RASAL2: variants seen among roughly 807,000 people sequenced by gnomAD.
RASAL2 encodes RAS protein activator like 2.
RASAL2 carries 58 observed loss-of-function variants against 128.9 expected under a neutral mutation model. The observed-to-expected ratio is 0.45, with a 90% CI of 0.36 to 0.56. RASAL2 has a LOEUF of 0.56. Among genes scored for constraint, RASAL2 ranks in the 20% least tolerant of loss-of-function variants. The pLI is 0.00. For missense variants in RASAL2, 1,360 were observed against 1,601.6 expected, an observed-to-expected ratio of 0.85 and a Z score of 2.57; for synonymous variants, 561 against 580.8, an observed-to-expected ratio of 0.97 and a Z score of 0.49.
intron 4 of RASAL2, among the ~76,000 whole-genome samples, chr1:178,414,354 A>G (rs899236253): frequency 9.2e-5 from 14 of 152,156 alleles, no homozygotes; most frequent in Admixed American, 7.9e-4. Flanking sequence ...TGAGTAGTAA[A>G]TATACTCTGC....
intron 4 of RASAL2, chr1:178,411,955 C>T: frequency 6.5e-6 from 3 of 460,122 alleles, no homozygotes; most frequent in Non-Finnish European, 7.5e-6. Flanking sequence ...GAGGACATCA[C>T]CCCCCATCCC....
chr1:178,187,217 T>G (rs1050282812), intron 1 of RASAL2, among the ~76,000 whole-genome samples: 1 of 152,196 alleles, frequency 6.6e-6, no homozygotes, highest in African/African-American at 2.4e-5. Context: ...GGCCACTGTT[T>G]TCAGCCCTTT....
chr1:178,164,818 A>G (rs1460714572), intron 1 of RASAL2, among the ~76,000 whole-genome samples: 8 of 125,330 alleles, frequency 6.4e-5, no homozygotes, highest in Non-Finnish European at 1.3e-4. Flanking sequence ...TTGTTCATCA[A>G]ACGTTTGTGT....
chr1:178,308,657 C>T (rs1318644719), intron 3 of RASAL2, among the ~76,000 whole-genome samples: 2 of 151,290 alleles, frequency 1.3e-5, no homozygotes, highest in African/African-American at 4.9e-5. Context: ...CTGATTCTCC[C>T]ACCTCCACCT....
chr1:178,386,511 C>T (rs1672579054), intron 3 of RASAL2, among the ~76,000 whole-genome samples: 1 of 152,160 alleles, frequency 6.6e-6, no homozygotes, highest in Non-Finnish European at 1.5e-5. Flanking sequence ...GGTTATCTCT[C>T]ATCATTTTAA....
chr1:178,364,590 C>T (rs76583993), intron 3 of RASAL2, among the ~76,000 whole-genome samples: 3,567 of 152,172 alleles, frequency 0.023, 61 homozygotes, highest in Middle Eastern at 0.058. Flanking sequence ...TATTGCTAGG[C>T]CTAGTGACAA....
At chr1:178,404,678 C>A (rs986942486) in intron 4 of RASAL2, among the ~76,000 whole-genome samples, 7 of 137,118 alleles carry the variant, frequency 5.1e-5, no homozygotes, top group South Asian at 2.5e-4. Context: ...CGCACCTGGC[C>A]CCCCAATTTT....
chr1:178,449,616 G>A (rs1342966465), intron 9 of RASAL2, among the ~76,000 whole-genome samples: 1 of 151,880 alleles, frequency 6.6e-6, no homozygotes, highest in South Asian at 2.1e-4. Flanking sequence ...ATCTGTGTTG[G>A]TAATTAAGCA....
intron 3 of RASAL2, among the ~76,000 whole-genome samples, chr1:178,337,793 G>C (rs57415540): frequency 6.7e-6 from 1 of 149,998 alleles, no homozygotes. Flanking sequence ...GTGCAGTGGC[G>C]CAATCTCAGC....
intron 1 of RASAL2, among the ~76,000 whole-genome samples, chr1:178,262,607 A>C (rs1339760575): frequency 6.6e-6 from 1 of 152,186 alleles, no homozygotes; most frequent in Admixed American, 6.5e-5. Context: ...AAGTATATAC[A>C]CATTTTTGTA....
intron 1 of RASAL2, among the ~76,000 whole-genome samples, chr1:178,208,764 T>G (rs1294262830): frequency 6.6e-6 from 1 of 152,126 alleles, no homozygotes; most frequent in Non-Finnish European, 1.5e-5. Context: ...CCCCCTTCCC[T>G]TTTGAAACTC....
Position 178,458,294 on chromosome 1 carries a change from CACG to C in RASAL2, c.3005_3007del (p.Arg1002del). ...GATAGACACATACCTCTTGCTTTGC[CACG>C]ACAAAATAGTACTGGGCAGGCCCAG... On this transcript the variant is annotated inframe_deletion, in exon 14 of 18. Coordinates refer to ENST00000367649, the MANE Select transcript of RASAL2 (RefSeq NM_170692.4). 6.2e-7 allele frequency: 1 copy of C among 1,614,228 alleles called. No individual in the cohort carries two copies.
intron 1 of RASAL2, among the ~76,000 whole-genome samples, chr1:178,274,669 C>T (rs1162400709): frequency 2.0e-5 from 3 of 152,152 alleles, no homozygotes; most frequent in African/African-American, 4.8e-5. Flanking sequence ...CTCACCACAG[C>T]ATCGACCTCC....
At chr1:178,464,831 G>GTTTTTTTTTATTTT (rs1647491716) in intron 15 of RASAL2, among the ~76,000 whole-genome samples, 1 of 38,196 alleles carries the variant, frequency 2.6e-5, no homozygotes, top group Non-Finnish European at 4.4e-5. Context: ...GGTTTTAGTT[G>GTTTTTTTTTATTTT]TTTTTTTTTT....
intron 1 of RASAL2, among the ~76,000 whole-genome samples, chr1:178,117,018 A>G (rs576709900): frequency 6.6e-6 from 1 of 152,244 alleles, no homozygotes; most frequent in Non-Finnish European, 1.5e-5. Flanking sequence ...ACATTCATAC[A>G]TAATATATCT....
intron 1 of RASAL2, among the ~76,000 whole-genome samples, chr1:178,198,974 C>A (rs1662770332): frequency 6.6e-6 from 1 of 152,138 alleles, no homozygotes; most frequent in Non-Finnish European, 1.5e-5. Context: ...TGGGCTCCAC[C>A]CAGTTCAAGG....
At chr1:178,159,800 G>A (rs527256073) in intron 1 of RASAL2, among the ~76,000 whole-genome samples, 24 of 152,132 alleles carry the variant, frequency 1.6e-4, no homozygotes, top group African/African-American at 5.5e-4. Context: ...CAGCTACTCG[G>A]GAGGCTGAGG....
At chr1:178,424,233 T>G (rs76334222) in intron 5 of RASAL2, among the ~76,000 whole-genome samples, 1 of 150,600 alleles carries the variant, frequency 6.6e-6, no homozygotes, top group African/African-American at 2.4e-5. Context: ...TTTTTTTTGG[T>G]TTTTTTTGTT....
At chr1:178,428,698 T>G (rs1241923940) in intron 5 of RASAL2, among the ~76,000 whole-genome samples, 1 of 151,978 alleles carries the variant, frequency 6.6e-6, no homozygotes, top group Non-Finnish European at 1.5e-5. Flanking sequence ...CAAGTAATCC[T>G]CCTGCCTTAG....
Sources: gnomAD v4.1 joint callset for allele counts (sites outside exome capture counted in the v4.1 genomes callset) on GRCh38, gnomAD v4.1.1 for gene constraint, MANE v1.5 for transcripts, NCBI Gene and HGNC (gene_info 2026-07-23, HGNC 2026-07-21) for gene names.